The following GPN1 variants were observed in gnomAD, a reference collection of about 807,000 sequenced individuals.
GPN1 encodes GPN-loop GTPase 1.
Under a neutral mutation model 55.9 loss-of-function variants are expected in GPN1, and 44 were observed. The ratio of observed to expected loss-of-function variants is 0.79; its 90% CI spans 0.62 to 1.01. The LOEUF (loss-of-function observed/expected upper bound fraction) is 1.01. Ranked by LOEUF, GPN1 falls within the 50% of genes least tolerant of loss-of-function variation. The pLI is 0.00. For synonymous variants in GPN1, 179 were observed against 162.5 expected (o/e 1.10, Z -0.77); for missense variants, 466 against 462.8 (o/e 1.01, Z -0.06).
intron 7 of GPN1, among the ~76,000 whole-genome samples, chr2:27,635,620 A>G (rs560353450): frequency 1.3e-5 from 2 of 152,212 alleles, no homozygotes; most frequent in East Asian, 3.9e-4. Context: ...GTTTGAAACC[A>G]GGCTGGGGAA....
Position 27,629,364 on chromosome 2 carries a change from C to T in GPN1, c.111+195C>T, listed in dbSNP as rs1384262164. 6.5e-6 allele frequency: 10 copies of T among 1,547,436 alleles called. No individual in the cohort carries two copies. The African/African-American group carries it at 1.1e-4, about 17-fold the overall frequency. On this transcript the variant is annotated intron_variant, in intron 1 of 13. Coordinates refer to ENST00000610189, the MANE Select transcript of GPN1 (RefSeq NM_007266.4). ...CCAGGTTAATTAAGGCTCTCTTCTGCGCACCTTCAGGGCATACTCGGTCCA... is the reference window on the plus strand; with the variant it reads ...CCAGGTTAATTAAGGCTCTCTTCTGTGCACCTTCAGGGCATACTCGGTCCA...
chr2:27,638,182 T>G (rs1673803659), intron 7 of GPN1, 28 bp from the exon 8 acceptor site: 1 of 1,343,532 alleles, frequency 7.4e-7, no homozygotes. Context: ...GTGCTTTTAC[T>G]AATAACTTCT....
rs767708201 is a variant in GPN1, at chr2:27,650,983, A to C, written c.*783A>C. 5.2e-5 allele frequency: 8 copies of C among 152,528 alleles called. No individual in the cohort carries two copies. Among genetic ancestry groups the C allele is most frequent in the African/African-American group, 1.4e-4 (6 of 41,442 alleles). 9.4% of individuals were successfully genotyped at this position (152,528 alleles called of 1,614,324 possible). ...CAATAAGGAGGTGATATTTTACTAAAGTTTCCCACGTGCACATACTGACTA... is the reference window on the plus strand; with the variant it reads ...CAATAAGGAGGTGATATTTTACTAACGTTTCCCACGTGCACATACTGACTA... On this transcript the variant is annotated 3_prime_UTR_variant, in exon 14 of 14. Transcript: ENST00000610189.
chr2:27,636,058 T>C (rs1258615076), intron 7 of GPN1, among the ~76,000 whole-genome samples: 4 of 151,848 alleles, frequency 2.6e-5, no homozygotes. Flanking sequence ...CTACAAAATA[T>C]ACAAAAAATT....
At chr2:27,628,758 C>T, upstream of GPN1, 1 of 1,544,166 alleles carries the variant, frequency 6.5e-7, no homozygotes, top group Admixed American at 2.0e-5. Flanking sequence ...GCCCTCGGGA[C>T]CCCATCTCTT....
In GPN1 at chr2:27,633,899, C is replaced by CTATCT. The variant is rs1673638775; in HGVS notation, c.351-945_351-941dup. ...CCACAGAGTCGTGTGTTGATAATTA[C>CTATCT]TATCTTCAGAATATTTTTGTCATCC... On this transcript the variant is annotated intron_variant, in intron 5 of 13. Transcript: ENST00000610189. Among the ~76,000 whole-genome samples the CTATCT allele has an allele frequency of 4.0e-5, 6 of 150,646 alleles. No homozygotes were observed. In the South Asian group the frequency reaches 1.3e-3, roughly 33 times the overall value.
At chr2:27,647,025 A>C (rs1297088770) in intron 12 of GPN1, among the ~76,000 whole-genome samples, 1 of 152,174 alleles carries the variant, frequency 6.6e-6, no homozygotes. Flanking sequence ...TAAGTAAATC[A>C]TTTGAGGAAA....
intron 8 of GPN1, among the ~76,000 whole-genome samples, 180 bp downstream of exon 8, chr2:27,638,435 A>G (rs1336536872): frequency 6.6e-6 from 1 of 152,108 alleles, no homozygotes; most frequent in Non-Finnish European, 1.5e-5. Context: ...ATTATTACCA[A>G]CTCTTGTCTA....
chr2:27,639,020 A>C lies in GPN1; in HGVS notation c.706A>C (p.Ser236Arg). The change falls in exon 9 of 14, where the codon AGC becomes CGC. Residue 236 changes from serine (S) to arginine (R), a missense_variant. Transcript: ENST00000610189. The part of the protein sequence containing the change: ...SMSLVLDEFY[S>R]SLRVVGVSAV... Reference sequence around the variant, plus strand: ...GAGCCTGGTGTTAGATGAGTTTTACAGCTCACTCAGGGTAAATTTTCTCTC... The same window carrying C: ...GAGCCTGGTGTTAGATGAGTTTTACCGCTCACTCAGGGTAAATTTTCTCTC... The C allele has an allele frequency of 6.2e-7, 1 of 1,609,134 alleles. No individual in the cohort carries two copies. Among genetic ancestry groups the C allele is most frequent in the Non-Finnish European group, 8.5e-7 (1 of 1,177,128 alleles).
Position 27,651,094 on chromosome 2 carries a change from G to T in GPN1, c.*894G>T, listed in dbSNP as rs999471251. 1 of 152,324 alleles carries T rather than the reference G, an allele frequency of 6.6e-6. No homozygotes were observed. The highest frequency in any genetic ancestry group is 2.4e-5 in the African/African-American group (1 of 41,434). The allele number at this position is 152,324 out of a possible 1,614,324, so 9.4% of individuals were successfully genotyped here. A position where few individuals can be genotyped will look rare whatever the true frequency, so the allele number is the denominator to read the frequency against. On this transcript the variant is annotated 3_prime_UTR_variant, in exon 14 of 14. Transcript: ENST00000610189. Reference sequence around the variant, plus strand: ...ATTTTCGCAAAGTCCGTGGATTTGGGTCAGAGGCACATTTCATACATAACA... The same window carrying T: ...ATTTTCGCAAAGTCCGTGGATTTGGTTCAGAGGCACATTTCATACATAACA...
At chr2:27,631,698 T>C in intron 3 of GPN1, 136 bp from the exon 4 acceptor site, 1 of 687,162 alleles carries the variant, frequency 1.5e-6, no homozygotes, top group South Asian at 1.7e-5. Flanking sequence ...TAAGTTTGTA[T>C]GGTAGTCAAG....
intron 12 of GPN1, among the ~76,000 whole-genome samples, chr2:27,644,008 A>C (rs758092468): frequency 9.2e-5 from 14 of 152,120 alleles, no homozygotes; most frequent in Non-Finnish European, 1.8e-4. Flanking sequence ...GTGAAACCCC[A>C]TCTCTCCTAA....
At chr2:27,632,754 C>A in intron 5 of GPN1, 84 bp downstream of exon 5, 1 of 911,756 alleles carries the variant, frequency 1.1e-6, no homozygotes, top group Non-Finnish European at 1.8e-6. Flanking sequence ...TACCATCAGC[C>A]TCTGAAAGAA....
chr2:27,644,706 GT>G (rs35012162), intron 12 of GPN1, among the ~76,000 whole-genome samples: 4 of 123,954 alleles, frequency 3.2e-5, no homozygotes, highest in Admixed American at 8.2e-5. Flanking sequence ...GCCTTAGTGA[GT>G]TTTTTTTTTG....
At chr2:27,645,852 C>G (rs571368065) in intron 12 of GPN1, among the ~76,000 whole-genome samples, 1 of 151,988 alleles carries the variant, frequency 6.6e-6, no homozygotes, top group African/African-American at 2.4e-5. Context: ...GCCTCAGCCT[C>G]CCAAGTAGCT....
rs746085163 is a variant in GPN1 at position 27,635,244 on chromosome 2, T to A, written c.524+10T>A. 13 of 1,392,336 alleles carry A rather than the reference T, an allele frequency of 9.3e-6. No individual in the cohort carries two copies. Among genetic ancestry groups the A allele is most frequent in the Non-Finnish European group, 1.3e-5 (13 of 985,242 alleles). 86.2% of individuals were successfully genotyped at this position (1,392,336 alleles called of 1,614,324 possible). ...TGCTCTATGCCTGCAGGTAATTGAT[T>A]GTTGGTGGGGAAAGTGTTCCATCAA... is the stretch of plus-strand genomic sequence containing the variant. On this transcript the variant is annotated intron_variant, in intron 7 of 13. Coordinates refer to ENST00000610189, the MANE Select transcript of GPN1 (RefSeq NM_007266.4).
chr2:27,638,360 T>C, intron 8 of GPN1, 105 bp downstream of exon 8: 1 of 680,406 alleles, frequency 1.5e-6, no homozygotes, highest in Non-Finnish European at 2.7e-6. Flanking sequence ...GAGACCAGAT[T>C]CAGGCTTTAC....
intron 13 of GPN1, 113 bp downstream of exon 13, chr2:27,648,056 C>G (rs1371747837): frequency 6.0e-6 from 4 of 661,162 alleles, no homozygotes; most frequent in Non-Finnish European, 1.1e-5. Context: ...ATAAAGGATA[C>G]AGCACCAGAA....
intron 10 of GPN1, 46 bp from the exon 11 acceptor site, chr2:27,641,194 G>A (rs926722621): frequency 6.8e-6 from 9 of 1,314,686 alleles, no homozygotes; most frequent in Non-Finnish European, 9.9e-6. Flanking sequence ...GAGTCAGTAG[G>A]ATAGAGGATT....
Sources: gnomAD v4.1 joint callset for allele counts (sites outside exome capture counted in the v4.1 genomes callset) on GRCh38, gnomAD v4.1.1 for gene constraint, MANE v1.5 for transcripts, NCBI Gene and HGNC (gene_info 2026-07-23, HGNC 2026-07-21) for gene names.